Variants in CEP85L observed in about 807,000 individuals in gnomAD.
CEP85L encodes centrosomal protein 85L.
Under a neutral mutation model 100.3 loss-of-function variants are expected in CEP85L, and 60 were observed. The observed-to-expected ratio is 0.60, with a 90% CI of 0.49 to 0.74. The LOEUF is 0.74. Among genes scored for constraint, CEP85L ranks in the 30% least tolerant of loss-of-function variants. CEP85L has a pLI of 0.00. For synonymous variants in CEP85L, 319 were observed against 322.7 expected (o/e 0.99, Z 0.12); for missense variants, 973 against 936.2 (o/e 1.04, Z -0.51).
chr6:118,678,830 G>A (rs1437373234), intron 1 of CEP85L, among the ~76,000 whole-genome samples: 1 of 152,228 alleles, frequency 6.6e-6, no homozygotes, highest in African/African-American at 2.4e-5. Context: ...TACTTGGGAG[G>A]CTGAGCCAGG....
intron 1 of CEP85L, among the ~76,000 whole-genome samples, chr6:118,696,949 A>G (rs1366641413): frequency 1.3e-5 from 2 of 152,104 alleles, no homozygotes; most frequent in Non-Finnish European, 2.9e-5. Flanking sequence ...TTCAGGAGAG[A>G]CATCTTCACA....
chr6:118,638,729 T>A (rs1010345340), intron 1 of CEP85L, among the ~76,000 whole-genome samples: 5 of 151,852 alleles, frequency 3.3e-5, no homozygotes, highest in Admixed American at 2.0e-4. Flanking sequence ...TCAATACTAA[T>A]TTTTTAATAC....
intron 4 of CEP85L, among the ~76,000 whole-genome samples, chr6:118,517,373 G>A (rs1776343435): frequency 1.3e-5 from 2 of 152,206 alleles, no homozygotes; most frequent in African/African-American, 2.4e-5. Flanking sequence ...CCCTATCCAT[G>A]AGCATGGAAT....
At chr6:118,535,017 G>C (rs1359773896) in intron 3 of CEP85L, among the ~76,000 whole-genome samples, 1 of 152,048 alleles carries the variant, frequency 6.6e-6, no homozygotes, top group African/African-American at 2.4e-5. Context: ...CGACAGTACA[G>C]ACTGTTTTCT....
At chr6:118,677,762 G>A (rs1776526440) in intron 1 of CEP85L, among the ~76,000 whole-genome samples, 1 of 152,180 alleles carries the variant, frequency 6.6e-6, no homozygotes, top group African/African-American at 2.4e-5. Context: ...AGAACTAGGA[G>A]ACTTCCATGA....
intron 2 of CEP85L, among the ~76,000 whole-genome samples, chr6:118,632,143 C>T (rs1158731497): frequency 2.6e-5 from 4 of 152,134 alleles, no homozygotes; most frequent in Non-Finnish European, 5.9e-5. Context: ...GCGCCCGCCA[C>T]CACGTCCAGC....
chr6:118,501,383 G>T, intron 5 of CEP85L: 1 of 360,972 alleles, frequency 2.8e-6, no homozygotes, highest in South Asian at 2.2e-5. Context: ...GTGGCACAAG[G>T]CCCCTCTTGA....
intron 3 of CEP85L, among the ~76,000 whole-genome samples, chr6:118,538,769 T>C (rs1466057575): frequency 1.3e-5 from 2 of 152,086 alleles, no homozygotes; most frequent in Non-Finnish European, 2.9e-5. Context: ...AGGTTAATCA[T>C]GGACTTTACT....
At position 118,604,828 on chromosome 6, in the gene CEP85L, C is replaced by T. The variant is rs979816619; in HGVS notation, c.232+27625G>A. Among the ~76,000 whole-genome samples, 4 of 152,176 alleles carry T rather than the reference C, an allele frequency of 2.6e-5. No individual in the cohort carries two copies. The East Asian group carries it at 7.7e-4, about 29-fold the overall frequency. On this transcript the variant is annotated intron_variant, in intron 2 of 12. Transcript: ENST00000368491. The stretch of plus-strand genomic sequence containing the variant: ...ATCTAATATCTGACCTTAATTTAGA[C>T]CAAATGTCTACATTTTCAAGACATT...
intron 2 of CEP85L, among the ~76,000 whole-genome samples, chr6:118,596,504 A>T (rs1781463658): frequency 6.6e-6 from 1 of 152,196 alleles, no homozygotes; most frequent in African/African-American, 2.4e-5. Flanking sequence ...ATTAAAAATC[A>T]TGAAAACTTC....
chr6:118,654,777 T>A (rs1003672919), upstream of CEP85L, among the ~76,000 whole-genome samples: 5 of 152,238 alleles, frequency 3.3e-5, no homozygotes, highest in Non-Finnish European at 7.3e-5. Context: ...GATAACTGCC[T>A]CACAGGATTG....
chr6:118,492,842 G>A (rs1774664799), intron 5 of CEP85L, among the ~76,000 whole-genome samples: 1 of 152,098 alleles, frequency 6.6e-6, no homozygotes. Flanking sequence ...GTAGCTAAGG[G>A]AGGGTGTTAC....
At chr6:118,632,986 G>T (rs1482858010) in intron 1 of CEP85L, among the ~76,000 whole-genome samples, 1 of 152,052 alleles carries the variant, frequency 6.6e-6, no homozygotes, top group South Asian at 2.1e-4. Context: ...CTGAAAATCA[G>T]GGCTCAGGAA....
intron 6 of CEP85L, among the ~76,000 whole-genome samples, chr6:118,487,541 T>C (rs1774270975): frequency 6.6e-6 from 1 of 152,070 alleles, no homozygotes; most frequent in South Asian, 2.1e-4. Flanking sequence ...GAATGCAAAA[T>C]CAGCCACATG....
intron 2 of CEP85L, among the ~76,000 whole-genome samples, chr6:118,605,941 G>A (rs750507199): frequency 4.0e-4 from 60 of 150,698 alleles, no homozygotes; most frequent in Non-Finnish European, 7.7e-4. Context: ...TTGAACCCGG[G>A]AGGCAGAGGT....
At chr6:118,663,344 G>A (rs1042148274) in intron 1 of CEP85L, among the ~76,000 whole-genome samples, 1 of 152,170 alleles carries the variant, frequency 6.6e-6, no homozygotes, top group Non-Finnish European at 1.5e-5. Flanking sequence ...GTCAACTGCA[G>A]TGTTGTTTAT....
At chr6:118,491,202 C>T (rs1774541561) in intron 6 of CEP85L, among the ~76,000 whole-genome samples, 1 of 104,814 alleles carries the variant, frequency 9.5e-6, no homozygotes, top group South Asian at 3.0e-4. Context: ...TCTATACACA[C>T]ACACACACAC....
At chr6:118,578,606 G>A (rs573458407) in intron 2 of CEP85L, among the ~76,000 whole-genome samples, 32 of 152,196 alleles carry the variant, frequency 2.1e-4, no homozygotes, top group African/African-American at 7.5e-4. Flanking sequence ...GTGGGCGCCT[G>A]TAATCCCAGC....
chr6:118,576,717 C>T (rs1300088021), intron 2 of CEP85L, among the ~76,000 whole-genome samples: 1 of 152,084 alleles, frequency 6.6e-6, no homozygotes, highest in Non-Finnish European at 1.5e-5. Context: ...TAGGGCACTG[C>T]CCTAAAACCA....
Sources: allele counts gnomAD v4.1 joint callset (sites outside exome capture counted in the v4.1 genomes callset), GRCh38; gene constraint gnomAD v4.1.1; transcripts MANE v1.5; gene names NCBI Gene and HGNC (gene_info 2026-07-23, HGNC 2026-07-21).